Variants in NRG1 observed in about 807,000 individuals in gnomAD.
The protein encoded by NRG1 is neuregulin 1.
Under a neutral mutation model 63.8 loss-of-function variants are expected in NRG1, and 18 were observed. That is an observed-to-expected ratio of 0.28 (90% confidence interval 0.19 to 0.42). NRG1 has a LOEUF of 0.42. Among genes scored for constraint, NRG1 ranks in the 10% least tolerant of loss-of-function variants. NRG1 has a pLI of 1.00. For synonymous variants in NRG1, 302 were observed against 301.3 expected, an observed-to-expected ratio of 1.00 and a Z score of -0.02; for missense variants, 762 against 814.7, an observed-to-expected ratio of 0.94 and a Z score of 0.79.
At chr8:32,130,709 G>A (rs17620577) in intron 1 of NRG1, among the ~76,000 whole-genome samples, 5,475 of 151,988 alleles carry the variant, frequency 0.036, 130 homozygotes, top group Non-Finnish European at 0.053. Context: ...ATTAACCAAG[G>A]CACTTTTCAA....
At chr8:32,579,526 C>A (rs1378937968) in intron 1 of NRG1, among the ~76,000 whole-genome samples, 2 of 152,068 alleles carry the variant, frequency 1.3e-5, no homozygotes, top group East Asian at 3.9e-4. Flanking sequence ...TTCTGTGATC[C>A]CTTTGGTATG....
chr8:32,425,081 T>C (rs9918832), intron 1 of NRG1, among the ~76,000 whole-genome samples: 38,421 of 152,136 alleles, frequency 0.25, 5,519 homozygotes, highest in East Asian at 0.74. Context: ...ATTTACTATA[T>C]ATCAGTAGCA....
chr8:32,370,667 G>A (rs147348365), intron 1 of NRG1, among the ~76,000 whole-genome samples: 2,037 of 152,034 alleles, frequency 0.013, 23 homozygotes, highest in Non-Finnish European at 0.017. Flanking sequence ...AGACCAGCCT[G>A]GCCAACATGG....
At chr8:32,590,562 T>A (rs1296686745) in intron 1 of NRG1, among the ~76,000 whole-genome samples, 2 of 152,302 alleles carry the variant, frequency 1.3e-5, no homozygotes, top group East Asian at 3.9e-4. Context: ...AAAATTCGAG[T>A]ACTTACTTAA....
intron 1 of NRG1, among the ~76,000 whole-genome samples, chr8:32,120,903 G>A (rs1457950625): frequency 6.6e-6 from 1 of 152,000 alleles, no homozygotes; most frequent in Non-Finnish European, 1.5e-5. Flanking sequence ...ATAGGGCATG[G>A]TATAAACTCT....
intron 1 of NRG1, among the ~76,000 whole-genome samples, chr8:31,717,978 C>T (rs1456776054): frequency 6.6e-6 from 1 of 151,760 alleles, no homozygotes; most frequent in Non-Finnish European, 1.5e-5. Context: ...TAGATGTAGA[C>T]ATAATTCTAT....
At chr8:32,614,683 T>C in intron 4 of NRG1, 119 bp downstream of exon 4, 1 of 886,606 alleles carries the variant, frequency 1.1e-6, no homozygotes. Flanking sequence ...TCTTGTTTTC[T>C]GCTTCAATAT....
intron 1 of NRG1, among the ~76,000 whole-genome samples, chr8:31,845,806 A>G (rs1826635964): frequency 1.3e-5 from 2 of 152,106 alleles, no homozygotes; most frequent in East Asian, 1.9e-4. Flanking sequence ...ATACCTTTTT[A>G]TTTCTTGATT....
chr8:32,233,712 G>A (rs372336868), intron 1 of NRG1, among the ~76,000 whole-genome samples: 34 of 151,562 alleles, frequency 2.2e-4, no homozygotes, highest in African/African-American at 7.2e-4. Flanking sequence ...CTACAGGCAT[G>A]AGCCAACATG....
At chr8:32,057,289 C>G (rs1395979119) in intron 1 of NRG1, among the ~76,000 whole-genome samples, 1 of 152,058 alleles carries the variant, frequency 6.6e-6, no homozygotes. Flanking sequence ...TGACATTATA[C>G]TTGGTCAGCT....
chr8:32,553,443 G>T (rs1834524669), intron 1 of NRG1, among the ~76,000 whole-genome samples: 1 of 152,120 alleles, frequency 6.6e-6, no homozygotes, highest in Non-Finnish European at 1.5e-5. Context: ...TGTACTACCT[G>T]TAAAACTAGA....
chr8:32,759,414 G>A, exon 10 of NRG1: 1 of 1,613,448 alleles, frequency 6.2e-7, no homozygotes, highest in Middle Eastern at 1.7e-4. Flanking sequence ...CTCCACTACT[G>A]TCACCCAGAC....
intron 1 of NRG1, among the ~76,000 whole-genome samples, chr8:31,937,219 A>G (rs937680046): frequency 2.0e-5 from 3 of 152,212 alleles, no homozygotes; most frequent in Admixed American, 2.0e-4. Context: ...AGAAAAAAAG[A>G]AAATGGGCTT....
chr8:32,766,043 G>A (rs1831404375), exon 12 of NRG1: 1 of 152,172 alleles, frequency 6.6e-6, no homozygotes, highest in Non-Finnish European at 1.5e-5. Flanking sequence ...TGGGACAAAT[G>A]GGAAACAGGT....
intron 1 of NRG1, among the ~76,000 whole-genome samples, chr8:31,946,884 T>C (rs1802629095): frequency 6.6e-6 from 1 of 152,242 alleles, no homozygotes; most frequent in South Asian, 2.1e-4. Context: ...AGATTTGAGA[T>C]TGATACTAAT....
At chr8:31,908,381 T>C (rs1337046370) in intron 1 of NRG1, among the ~76,000 whole-genome samples, 8 of 152,190 alleles carry the variant, frequency 5.3e-5, no homozygotes, top group East Asian at 1.9e-4. Flanking sequence ...ACTACATCAA[T>C]TATTTGAGGA....
intron 3 of NRG1, among the ~76,000 whole-genome samples, chr8:32,610,365 G>A (rs982095949): frequency 5.3e-5 from 8 of 152,072 alleles, no homozygotes; most frequent in Non-Finnish European, 8.8e-5. Flanking sequence ...GGAGACATTC[G>A]TTGGAAGCTG....
chr8:32,253,992 A>G (rs1276797075), intron 1 of NRG1, among the ~76,000 whole-genome samples: 2 of 152,150 alleles, frequency 1.3e-5, no homozygotes, highest in Non-Finnish European at 2.9e-5. Context: ...TGTTTATAGT[A>G]TTCTCTGATG....
chr8:32,397,923 A>G (rs1258746974), intron 1 of NRG1, among the ~76,000 whole-genome samples: 4 of 152,218 alleles, frequency 2.6e-5, no homozygotes, highest in African/African-American at 9.6e-5. Flanking sequence ...TGAATTTGTT[A>G]AAGACATGTA....
Sources: allele counts gnomAD v4.1 joint callset (sites outside exome capture counted in the v4.1 genomes callset), GRCh38; gene constraint gnomAD v4.1.1; transcripts MANE v1.5; gene names NCBI Gene and HGNC (gene_info 2026-07-23, HGNC 2026-07-21).